SPIDR: variants seen among roughly 807,000 people sequenced by gnomAD.
The protein encoded by SPIDR is scaffold protein involved in DNA repair, also known as DNA repair-scaffolding protein.
In SPIDR, 93 loss-of-function variants were observed where a neutral mutation model predicts 104.6. The ratio of observed to expected loss-of-function variants is 0.89; its 90% CI spans 0.75 to 1.06. SPIDR has a LOEUF of 1.06. SPIDR is among the 50% of genes least tolerant of loss of function. The pLI, the probability that SPIDR is intolerant of heterozygous loss-of-function variation, is 0.00. For synonymous variants in SPIDR, 431 were observed against 416.9 expected (o/e 1.03, Z -0.41); for missense variants, 1,154 against 1,111.2 (o/e 1.04, Z -0.55).
intron 5 of SPIDR, among the ~76,000 whole-genome samples, chr8:47,317,963 C>A (rs897871511): frequency 9.2e-5 from 14 of 152,034 alleles, no homozygotes; most frequent in East Asian, 7.7e-4. Flanking sequence ...CATCAAAGAC[C>A]CAAAGGTAGA....
chr8:47,271,098 C>G (rs1413059724), intron 1 of SPIDR, among the ~76,000 whole-genome samples: 3 of 151,994 alleles, frequency 2.0e-5, no homozygotes, highest in East Asian at 1.9e-4. Flanking sequence ...ATTGAGGATC[C>G]TTTGTATATG....
intron 10 of SPIDR, among the ~76,000 whole-genome samples, chr8:47,642,119 T>C (rs374502169): frequency 6.6e-6 from 1 of 152,034 alleles, no homozygotes; most frequent in Non-Finnish European, 1.5e-5. Flanking sequence ...GCAGTGACTT[T>C]ATGGGTCAAG....
At chr8:47,520,428 C>G (rs1206718639) in intron 8 of SPIDR, among the ~76,000 whole-genome samples, 3 of 152,130 alleles carry the variant, frequency 2.0e-5, no homozygotes, top group African/African-American at 4.8e-5. Flanking sequence ...ATCAAGCAAG[C>G]TCCCAGAAGT....
chr8:47,713,343 C>A, intron 15 of SPIDR, 146 bp from the exon 16 acceptor site: 1 of 1,146,996 alleles, frequency 8.7e-7, no homozygotes, highest in Non-Finnish European at 1.3e-6. Flanking sequence ...CAGGAGTGTG[C>A]ACACACAATG....
At chr8:47,320,697 A>C (rs2046377996) in intron 5 of SPIDR, among the ~76,000 whole-genome samples, 1 of 152,224 alleles carries the variant, frequency 6.6e-6, no homozygotes, top group Non-Finnish European at 1.5e-5. Flanking sequence ...AAAAATCCTC[A>C]ATAAAATACT....
chr8:47,500,278 A>G (rs563673182), intron 8 of SPIDR, among the ~76,000 whole-genome samples: 1 of 152,238 alleles, frequency 6.6e-6, no homozygotes, highest in East Asian at 1.9e-4. Flanking sequence ...AAGTGTTCCT[A>G]TTTCTCTACA....
At chr8:47,379,623 G>T (rs2059086499) in intron 5 of SPIDR, among the ~76,000 whole-genome samples, 1 of 152,196 alleles carries the variant, frequency 6.6e-6, no homozygotes, top group African/African-American at 2.4e-5. Context: ...TGAAACACTG[G>T]TTAAATTGTG....
intron 6 of SPIDR, among the ~76,000 whole-genome samples, chr8:47,402,881 C>T (rs1328881755): frequency 5.3e-5 from 8 of 152,108 alleles, no homozygotes; most frequent in African/African-American, 1.9e-4. Flanking sequence ...GATACCAAAG[C>T]CTGGCAGAGA....
chr8:47,411,635 C>T (rs1164718975), intron 7 of SPIDR, among the ~76,000 whole-genome samples: 13 of 152,114 alleles, frequency 8.5e-5, no homozygotes, highest in African/African-American at 2.9e-4. Context: ...GTTTCTTTTG[C>T]TGTGCAGAAG....
intron 5 of SPIDR, among the ~76,000 whole-genome samples, chr8:47,351,420 G>T (rs187905683): frequency 5.3e-5 from 8 of 152,244 alleles, no homozygotes; most frequent in Non-Finnish European, 1.0e-4. Context: ...GACCGAGTGG[G>T]ATTTACCACA....
At chr8:47,655,868 T>G (rs961218057) in intron 10 of SPIDR, among the ~76,000 whole-genome samples, 1 of 152,206 alleles carries the variant, frequency 6.6e-6, no homozygotes. Context: ...GGTCTAACAT[T>G]TAAGTCTTTA....
intron 11 of SPIDR, among the ~76,000 whole-genome samples, chr8:47,695,517 C>T (rs758435148): frequency 2.0e-5 from 3 of 152,124 alleles, no homozygotes; most frequent in Non-Finnish European, 4.4e-5. Flanking sequence ...CTATCCACAC[C>T]CAAAAGAAAG....
chr8:47,547,364 G>A (rs375590118), intron 8 of SPIDR: 10 of 388,640 alleles, frequency 2.6e-5, no homozygotes, highest in East Asian at 6.3e-5. Context: ...ATATCAGTTC[G>A]AACGTTGCCA....
chr8:47,459,572 A>G (rs1480751933), intron 8 of SPIDR, among the ~76,000 whole-genome samples: 3 of 152,090 alleles, frequency 2.0e-5, no homozygotes, highest in African/African-American at 7.2e-5. Context: ...TATCTTTTCA[A>G]AGAACCAGCT....
At chr8:47,643,809 GA>G (rs1372234139) in intron 10 of SPIDR, among the ~76,000 whole-genome samples, 1 of 152,108 alleles carries the variant, frequency 6.6e-6, no homozygotes, top group Admixed American at 6.5e-5. Context: ...ATTCAAAATG[GA>G]AAGACTTTCA....
At chr8:47,452,306 A>G (rs1490955985) in intron 8 of SPIDR, among the ~76,000 whole-genome samples, 1 of 152,192 alleles carries the variant, frequency 6.6e-6, no homozygotes, top group Non-Finnish European at 1.5e-5. Context: ...TGGGGGCCAG[A>G]AAGCACTGGG....
chr8:47,355,005 G>T (rs1267118787), intron 5 of SPIDR, among the ~76,000 whole-genome samples: 2 of 151,132 alleles, frequency 1.3e-5, no homozygotes, highest in African/African-American at 4.9e-5. Context: ...ACCCAGGCTG[G>T]AGTGCAGTGA....
rs558257619 is a variant in SPIDR at position 47,633,013 on chromosome 8, A to C, written c.1544+33817A>C. Among the ~76,000 whole-genome samples, 4 of 152,358 alleles carry C rather than the reference A, an allele frequency of 2.6e-5. No homozygotes were observed. The East Asian group carries it at 7.7e-4, about 29-fold the overall frequency. ...TTTGCCTCTATAAATGTAGCATCCAACTTATTTCACATTCTGTGCTCAGTA... is the reference window on the plus strand; with the variant it reads ...TTTGCCTCTATAAATGTAGCATCCACCTTATTTCACATTCTGTGCTCAGTA... On this transcript the variant is annotated intron_variant, in intron 10 of 19. Transcript: ENST00000297423.
chr8:47,396,535 A>G lies in SPIDR; in HGVS notation c.685A>G (p.Lys229Glu), dbSNP rs75731959. Residue 229 changes from lysine (K) to glutamate (E), a missense_variant, in exon 6 of 20, where the codon AAA (lysine) becomes GAA (glutamate). Lys to Glu is a moderately conservative substitution (Grantham distance 56, BLOSUM62 1). Transcript: ENST00000297423. ...GGAGAGACTGATAGATCCAAGGACA[A>G]AATCAACAGAGACCATTTTGCATAC... ...IMERLIDPRT[K>E]STETILHTPQ... 1 of 1,614,190 alleles carries G rather than the reference A, an allele frequency of 6.2e-7. No individual in the cohort carries two copies. The highest frequency in any genetic ancestry group is 1.7e-4 in the Middle Eastern group (1 of 6,060).
Sources: allele counts gnomAD v4.1 joint callset (sites outside exome capture counted in the v4.1 genomes callset), GRCh38; gene constraint gnomAD v4.1.1; transcripts MANE v1.5; gene names NCBI Gene and HGNC (gene_info 2026-07-23, HGNC 2026-07-21).